OMG: variants seen among roughly 807,000 people sequenced by gnomAD.
OMG encodes oligodendrocyte-myelin glycoprotein.
A neutral mutation model predicts 26.2 loss-of-function variants in OMG; 9 were observed. That is an observed-to-expected ratio of 0.34 (90% CI 0.21 to 0.60). The LOEUF is 0.60. OMG is among the 20% of genes least tolerant of loss of function. The probability of loss-of-function intolerance (pLI) is 0.80; values close to 1 mark genes in which losing one functional copy is unlikely to be tolerated. For missense variants in OMG, 402 were observed against 513.6 expected, an observed-to-expected ratio of 0.78 and a Z score of 2.10; for synonymous variants, 179 against 190.4, an observed-to-expected ratio of 0.94 and a Z score of 0.49.
At chr17:31,296,405 T>C in intron 1 of OMG, 68 bp from the exon 2 acceptor site, 1 of 1,525,800 alleles carries the variant, frequency 6.6e-7, no homozygotes, top group Non-Finnish European at 9.1e-7. Context: ...ATGGGTCAGT[T>C]AGCATTAGGC....
rs771669867 is a variant in OMG, at chr17:31,295,630, G to A, written c.702C>T (p.Asn234=). ...TCATCCACTTCAGTAAGTAAGTAATGTTTTGTTTGTGGTCACATGACCACC... is the reference window on the plus strand; with the variant it reads ...TCATCCACTTCAGTAAGTAAGTAATATTTTGTTTGTGGTCACATGACCACC... ...NNRWSCDHKQ[N]ITYLLKWMME... is the part of the protein sequence containing the mutation. The change falls in exon 2 of 2, where the codon AAC becomes AAT. Residue 234 remains asparagine (N), a synonymous_variant. Transcript: ENST00000247271. 18 of 1,614,046 alleles carry A rather than the reference G, an allele frequency of 1.1e-5. 1 individual carries two copies. The Middle Eastern group carries it at 2.6e-3, about 237-fold the overall frequency.
At chr17:31,296,530 T>C (rs1356408264) in intron 1 of OMG, 193 bp from the exon 2 acceptor site, 2 of 610,766 alleles carry the variant, frequency 3.3e-6, no homozygotes, top group Non-Finnish European at 5.9e-6. Context: ...AATTGGGCTA[T>C]GTGGTAGAGA....
chr17:31,295,675 C>T lies in OMG; in HGVS notation c.657G>A (p.Glu219=), dbSNP rs142418257. ...ACCACCTGTTATTGTAAAGGGTTAT[C>T]TCTTGCAACTGAAAGAGTTGGTCAA... The part of the protein sequence containing the change: ...QSFDQLFQLQ[E]ITLYNNRWSC... Residue 219 remains glutamate, a synonymous_variant, in exon 2 of 2, where the codon GAG becomes GAA. Coordinates refer to ENST00000247271, the MANE Select transcript of OMG (RefSeq NM_002544.5). 3.7e-6 allele frequency: 6 copies of T among 1,614,000 alleles called. No homozygotes were observed. In the African/African-American group the frequency reaches 8.0e-5, roughly 22 times the overall value.
chr17:31,296,411 T>C, intron 1 of OMG, 74 bp from the exon 2 acceptor site: 3 of 1,484,496 alleles, frequency 2.0e-6, no homozygotes, highest in Non-Finnish European at 2.8e-6. Context: ...CAGTTAGCAT[T>C]AGGCAAAATT....
Position 31,295,670 on chromosome 17 carries a change from G to A in OMG, c.662C>T (p.Thr221Ile). ...ACATGACCACCTGTTATTGTAAAGG[G>A]TTATCTCTTGCAACTGAAAGAGTTG... ...FDQLFQLQEI[T>I]LYNNRWSCDH... Residue 221 changes from threonine to isoleucine, a missense_variant, in exon 2 of 2, where the codon ACC becomes ATC. Coordinates refer to ENST00000247271, the MANE Select transcript of OMG (RefSeq NM_002544.5). 1 of 1,614,074 alleles carries A rather than the reference G, an allele frequency of 6.2e-7. No individual in the cohort carries two copies. The highest frequency in any genetic ancestry group is 1.1e-5 in the South Asian group (1 of 91,074).
chr17:31,295,813 G>C lies in OMG; in HGVS notation c.519C>G (p.Asp173Glu). 6.2e-7 allele frequency: 1 copy of C among 1,614,154 alleles called. No homozygotes were observed. The highest frequency in any genetic ancestry group is 8.5e-7 in the Non-Finnish European group (1 of 1,180,026). ...TTTGTGTCAAAGAATTATTAGACAG[G>C]TCCACGATATGTAGTTTGGAGGGCA... Reference protein sequence around the residue: ...TNMPSKLHIVDLSNNSLTQIL... With the variant: ...TNMPSKLHIVELSNNSLTQIL... The change falls in exon 2 of 2, where the codon GAC becomes GAG. Residue 173 changes from aspartate to glutamate, a missense_variant. Around this residue, in one of 3 missense-constraint regions of OMG, gnomAD observed 90 missense variants for 158.9 expected, o/e 0.57. Transcript: ENST00000247271.
At chr17:31,296,441 G>A (rs2068466905) in intron 1 of OMG, 104 bp from the exon 2 acceptor site, 1 of 1,044,556 alleles carries the variant, frequency 9.6e-7, no homozygotes, top group African/African-American at 1.6e-5. Flanking sequence ...CCTCGTTGTT[G>A]TCGAGTCCTT....
Position 31,295,606 on chromosome 17 carries a change from C to T in OMG, c.726G>A (p.Met242Ile), listed in dbSNP as rs779787307. 2 of 1,614,010 alleles carry T rather than the reference C, an allele frequency of 1.2e-6. No homozygotes were observed. The highest frequency in any genetic ancestry group is 1.3e-5 in the African/African-American group (1 of 74,906). Reference protein sequence around the residue: ...KQNITYLLKWMMETKAHVIGT... With the variant: ...KQNITYLLKWIMETKAHVIGT... ...CTATCACATGGGCTTTTGTTTCCATCATCCACTTCAGTAAGTAAGTAATGT... is the reference window on the plus strand; with the variant it reads ...CTATCACATGGGCTTTTGTTTCCATTATCCACTTCAGTAAGTAAGTAATGT... Residue 242 changes from methionine to isoleucine, a missense_variant, in exon 2 of 2, where the codon ATG (methionine) becomes ATA (isoleucine). Physicochemically the swap from Met to Ile is conservative, Grantham distance 10. This residue lies in a region of OMG where 247 missense variants were observed against 274.7 expected (regional missense o/e 0.90). Transcript: ENST00000247271.
At position 31,295,897 on chromosome 17, in the gene OMG, T is replaced by C. The variant is rs764264280; in HGVS notation, c.435A>G (p.Leu145=). The change falls in exon 2 of 2, where the codon CTA becomes CTG. Residue 145 remains leucine, a synonymous_variant. Transcript: ENST00000247271. ...LEKVVLIKNT[L]RSLEVLNLSS... ...TGAGGTTGAGAACCTCGAGACTTCT[T>C]AGTGTATTTTTAATGAGGACAACCT... 5.0e-6 allele frequency: 8 copies of C among 1,614,062 alleles called. No homozygotes were observed. Among genetic ancestry groups the C allele is most frequent in the Non-Finnish European group, 5.9e-6 (7 of 1,180,012 alleles).
chr17:31,296,284 CAG>C lies in OMG; in HGVS notation c.46_47del (p.Leu16ValfsTer49), dbSNP rs1413306455. ...TGCATAAAATACCAGGTGTGAGAAA[CAG>C]AAGGATGAACAGGCAGAGAGACATT... ...LKMSLCLFILLFLTPGILCIC... is the reference protein window; with the variant it reads ...LKMSLCLFILXFLTPGILCIC... On this transcript the variant is annotated frameshift_variant, in exon 2 of 2. Coordinates refer to ENST00000247271, the MANE Select transcript of OMG (RefSeq NM_002544.5). LOFTEE classifies it high-confidence loss of function. 11 of 1,613,982 alleles carry C rather than the reference CAG, an allele frequency of 6.8e-6. No homozygotes were observed. The highest frequency in any genetic ancestry group is 9.3e-6 in the Non-Finnish European group (11 of 1,179,904).
rs2068468554 is a variant in OMG at position 31,296,506 on chromosome 17, AT to A, written c.-6-170del. ...AAGCTCCCCTTCATTTATAGTCCAA[AT>A]GCTTAATCCTTCAATTGGGCTATGT... is the stretch of plus-strand genomic sequence containing the variant. On this transcript the variant is annotated intron_variant, in intron 1 of 1. Transcript: ENST00000247271. 2.6e-5 allele frequency: 17 copies of A among 662,506 alleles called. No individual in the cohort carries two copies. The South Asian group carries it at 2.9e-4, about 11-fold the overall frequency. 41.0% of individuals were successfully genotyped at this position (662,506 alleles called of 1,614,324 possible).
In OMG at chr17:31,295,013, ACAGC is replaced by A. The variant is rs1567878789; in HGVS notation, c.1315_1318del (p.Ala439SerfsTer26). 1 of 1,614,116 alleles carries A rather than the reference ACAGC, an allele frequency of 6.2e-7. No homozygotes were observed. Among genetic ancestry groups the A allele is most frequent in the Non-Finnish European group, 8.5e-7 (1 of 1,179,964 alleles). On this transcript the variant is annotated frameshift_variant, in exon 2 of 2. Coordinates refer to ENST00000247271, the MANE Select transcript of OMG (RefSeq NM_002544.5). LOFTEE classifies it high-confidence loss of function. The stretch of plus-strand genomic sequence containing the variant: ...AGTTTCAGAAAATGCAGACCCTCAG[ACAGC>A]CAGCATGACCACAACATTGAGCAAT...
Position 31,294,840 on chromosome 17 carries a change from A to G in OMG, c.*169T>C. ...AGCAGCAAGTACCAAGACATTGTGC[A>G]TTTCTTTTATTTAAGACAAGTTACT... On this transcript the variant is annotated 3_prime_UTR_variant, in exon 2 of 2. Coordinates refer to ENST00000247271, the MANE Select transcript of OMG (RefSeq NM_002544.5). 1.2e-6 allele frequency: 1 copy of G among 800,250 alleles called. No individual in the cohort carries two copies. Among genetic ancestry groups the G allele is most frequent in the East Asian group, 2.7e-5 (1 of 37,554 alleles). 49.6% of individuals were successfully genotyped at this position (800,250 alleles called of 1,614,324 possible). A position where few individuals can be genotyped will look rare whatever the true frequency, so the allele number is the denominator to read the frequency against.
At chr17:31,297,087 A>G (rs2068482765) in intron 1 of OMG, 69 bp downstream of exon 1, 1 of 152,222 alleles carries the variant, frequency 6.6e-6, no homozygotes, top group Non-Finnish European at 1.5e-5. Flanking sequence ...CCTAACGTTG[A>G]CTTTTTCTTA....
intron 1 of OMG, 171 bp from the exon 2 acceptor site, chr17:31,296,508 G>A: frequency 1.5e-6 from 1 of 658,706 alleles, no homozygotes; most frequent in Non-Finnish European, 2.7e-6. Flanking sequence ...TAGTCCAAAT[G>A]CTTAATCCTT....
chr17:31,296,747 G>T, intron 1 of OMG: 3 of 215,930 alleles, frequency 1.4e-5, no homozygotes, highest in African/African-American at 2.3e-5. Flanking sequence ...TGGCTGTCGT[G>T]TCTTTTTTTT....
At chr17:31,297,026 C>T (rs536269727) in intron 1 of OMG, 130 bp downstream of exon 1, 1 of 152,250 alleles carries the variant, frequency 6.6e-6, no homozygotes, top group South Asian at 2.1e-4. Flanking sequence ...CCTCAACTGA[C>T]ACTGCAGCAA....
At position 31,295,205 on chromosome 17, in the gene OMG, G is replaced by A; in HGVS notation, c.1127C>T (p.Thr376Ile). The change falls in exon 2 of 2, where the codon ACA becomes ATA. Residue 376 changes from threonine (T) to isoleucine (I), a missense_variant. By Grantham distance (89) the Thr-to-Ile change is moderately conservative. This residue lies in a region of OMG where 247 missense variants were observed against 274.7 expected (regional missense o/e 0.90). Transcript: ENST00000247271. ...SLTSSTKSSP[T>I]PMTLSITSGM... is the part of the protein sequence containing the mutation. ...ACTAGTGATACTTAGGGTCATGGGT[G>A]TTGGGGATGATTTTGTTGAGCTAGT... 2.5e-6 allele frequency: 4 copies of A among 1,614,164 alleles called. No individual in the cohort carries two copies. Among genetic ancestry groups the A allele is most frequent in the Non-Finnish European group, 2.5e-6 (3 of 1,180,012 alleles).
rs755104589 is a variant in OMG, at chr17:31,295,344, C to G, written c.988G>C (p.Ala330Pro). The G allele has an allele frequency of 1.2e-6, 2 of 1,614,000 alleles. No homozygotes were observed. Among genetic ancestry groups the G allele is most frequent in the Admixed American group, 3.3e-5 (2 of 60,014 alleles). Residue 330 changes from alanine (A) to proline (P), a missense_variant, in exon 2 of 2, where the codon GCT (alanine) becomes CCT (proline). Coordinates refer to ENST00000247271, the MANE Select transcript of OMG (RefSeq NM_002544.5). ...GTATCTTCTGGATAGGGCACAAAAG[C>G]CTTATCAGTGCTAGTAAAGGTGGTG... The part of the protein sequence containing the change: ...KDTTFTSTDK[A>P]FVPYPEDTST...
Sources: allele counts gnomAD v4.1 joint callset, GRCh38; gene constraint gnomAD v4.1.1; regional missense constraint gnomAD v4.1.1; transcripts MANE v1.5; gene names NCBI Gene and HGNC (gene_info 2026-07-23, HGNC 2026-07-21).